Variants in CC2D2B observed in about 807,000 individuals in gnomAD.
The protein encoded by CC2D2B is coiled-coil and C2 domain containing 2B, also known as protein CC2D2B.
CC2D2B carries 128 observed loss-of-function variants against 161.2 expected under a neutral mutation model. That is an observed-to-expected ratio of 0.79 (90% CI 0.69 to 0.92). CC2D2B has a LOEUF of 0.92. CC2D2B is among the 40% of genes least tolerant of loss of function. The pLI is 0.00. For synonymous variants in CC2D2B, 391 were observed against 449.8 expected (o/e 0.87, Z 1.65); for missense variants, 1,173 against 1,375.1 (o/e 0.85, Z 2.32).
chr10:95,929,924 C>T lies in CC2D2B; in HGVS notation c.336+2592C>T, dbSNP rs182434696. Among the ~76,000 whole-genome samples, 401 of 152,168 alleles carry T rather than the reference C, an allele frequency of 2.6e-3. 1 individual carries two copies. Among genetic ancestry groups the T allele is most frequent in the African/African-American group, 9.1e-3 (378 of 41,512 alleles). Reference sequence around the variant, plus strand: ...AAATTTAAAGTATTTTTTTCTAATTCTGTGAAGAAAGTCAATGGTAGCTTG... The same window carrying T: ...AAATTTAAAGTATTTTTTTCTAATTTTGTGAAGAAAGTCAATGGTAGCTTG... On this transcript the variant is annotated intron_variant, in intron 6 of 34. Coordinates refer to ENST00000646931, the MANE Select transcript of CC2D2B (RefSeq NM_001349008.3).
intron 25 of CC2D2B, among the ~76,000 whole-genome samples, chr10:96,006,390 T>A (rs2078750499): frequency 6.6e-6 from 1 of 150,404 alleles, no homozygotes; most frequent in South Asian, 2.1e-4. Flanking sequence ...TCTTGCTTGT[T>A]ATAACATTTT....
chr10:95,917,269 A>G (rs1313458781), intron 2 of CC2D2B, among the ~76,000 whole-genome samples: 1 of 151,986 alleles, frequency 6.6e-6, no homozygotes, highest in South Asian at 2.1e-4. Context: ...GTGTTTTTAT[A>G]GGTGAAATGT....
intron 24 of CC2D2B, chr10:96,000,839 T>A (rs1417329834): frequency 6.6e-6 from 1 of 152,192 alleles, no homozygotes; most frequent in Non-Finnish European, 1.5e-5. Flanking sequence ...TATGTCCTTT[T>A]AAAAAAATCT....
chr10:95,988,512 G>A (rs2077820022), intron 20 of CC2D2B, among the ~76,000 whole-genome samples, 170 bp downstream of exon 20: 1 of 152,164 alleles, frequency 6.6e-6, no homozygotes, highest in South Asian at 2.1e-4. Flanking sequence ...CTTTTTGAGA[G>A]TTAGGTTACT....
chr10:95,947,115 T>TATA (rs1564609188), intron 9 of CC2D2B, among the ~76,000 whole-genome samples: 313 of 25,922 alleles, frequency 0.012, no homozygotes, highest in South Asian at 0.015. Flanking sequence ...ATATATATAT[T>TATA]TTTTTTTTTT....
At chr10:95,993,942 GTA>G (rs1159212300) in intron 22 of CC2D2B, among the ~76,000 whole-genome samples, 3,854 of 25,014 alleles carry the variant, frequency 0.15, 259 homozygotes, top group African/African-American at 0.27. Context: ...GTGTGTGTGT[GTA>G]TGTATGTGTA....
chr10:96,003,660 T>A (rs2078624219), intron 24 of CC2D2B, among the ~76,000 whole-genome samples: 1 of 149,886 alleles, frequency 6.7e-6, no homozygotes, highest in African/African-American at 2.5e-5. Context: ...TTCGCCATGT[T>A]AGCCAGGCTT....
At position 95,924,388 on chromosome 10, in the gene CC2D2B, A is replaced by G. The variant is rs1228391432; in HGVS notation, c.172A>G (p.Lys58Glu). Residue 58 changes from lysine (K) to glutamate (E), a missense_variant and splice_region_variant, in exon 4 of 35, where the codon AAG becomes GAG. Transcript: ENST00000646931. The part of the protein sequence containing the change: ...GKVREKLKIS[K>E]INKGEKSSTE... ...AGTGAGAGAAAAGCTAAAAATTTCT[A>G]AGGTAATGCTTTTTAAAATTTCCTG... is the stretch of plus-strand genomic sequence containing the variant. 2 of 1,478,934 alleles carry G rather than the reference A, an allele frequency of 1.4e-6. No individual in the cohort carries two copies. The highest frequency in any genetic ancestry group is 2.4e-5 in the Admixed American group (1 of 42,106). 91.6% of individuals were successfully genotyped at this position (1,478,934 alleles called of 1,614,324 possible).
intron 22 of CC2D2B, among the ~76,000 whole-genome samples, chr10:95,993,416 G>A (rs1395792328): frequency 6.6e-6 from 1 of 152,032 alleles, no homozygotes; most frequent in East Asian, 1.9e-4. Context: ...ATTCCCCTCT[G>A]TCTGTGTTCA....
chr10:96,017,171 A>G (rs1455467300), intron 30 of CC2D2B, among the ~76,000 whole-genome samples: 1 of 152,232 alleles, frequency 6.6e-6, no homozygotes. Context: ...TGCTTCTTCT[A>G]CATTTGTACC....
chr10:96,015,010 A>C (rs1590888325), intron 29 of CC2D2B, among the ~76,000 whole-genome samples: 1 of 148,936 alleles, frequency 6.7e-6, no homozygotes, highest in African/African-American at 2.5e-5. Context: ...CCTTATCCCC[A>C]CCTCCCTGGC....
At chr10:96,006,017 T>TA (rs1429880452) in intron 25 of CC2D2B, among the ~76,000 whole-genome samples, 13 of 151,468 alleles carry the variant, frequency 8.6e-5, no homozygotes, top group Non-Finnish European at 1.6e-4. Flanking sequence ...TTCAAATTTT[T>TA]AAAAAATTAT....
intron 29 of CC2D2B, 52 bp downstream of exon 29, chr10:96,013,929 A>G: frequency 1.1e-6 from 1 of 875,472 alleles, no homozygotes; most frequent in South Asian, 3.1e-5. Flanking sequence ...ATTTCTTTTA[A>G]GGAAACCTTT....
At chr10:95,961,662 G>T (rs967679027) in intron 11 of CC2D2B, 167 bp from the exon 12 acceptor site, 6 of 392,522 alleles carry the variant, frequency 1.5e-5, no homozygotes, top group Admixed American at 4.5e-5. Context: ...GAATTGCAGT[G>T]GGTAACATAA....
chr10:95,993,946 G>GTATATA (rs1424075597), intron 22 of CC2D2B, among the ~76,000 whole-genome samples: 31 of 28,972 alleles, frequency 1.1e-3, no homozygotes, highest in South Asian at 3.2e-3. Context: ...GTGTGTGTAT[G>GTATATA]TATGTGTATA....
intron 6 of CC2D2B, among the ~76,000 whole-genome samples, chr10:95,929,660 C>A (rs2098546147): frequency 6.6e-6 from 1 of 152,152 alleles, no homozygotes; most frequent in Non-Finnish European, 1.5e-5. Flanking sequence ...GGAATCTTTA[C>A]CCCATTGCTT....
At chr10:96,016,521 T>G (rs2079205645) in intron 30 of CC2D2B, among the ~76,000 whole-genome samples, 1 of 152,174 alleles carries the variant, frequency 6.6e-6, no homozygotes, top group Admixed American at 6.5e-5. Context: ...TTTTCTCCCC[T>G]GTAAAAGAGT....
chr10:95,932,855 T>C (rs1159239632), intron 6 of CC2D2B, among the ~76,000 whole-genome samples: 1 of 152,142 alleles, frequency 6.6e-6, no homozygotes, highest in Non-Finnish European at 1.5e-5. Context: ...GCGATTATGT[T>C]TCTTGGGGTT....
chr10:95,912,623 C>T (rs1284560926), intron 2 of CC2D2B, among the ~76,000 whole-genome samples: 2 of 152,114 alleles, frequency 1.3e-5, no homozygotes, highest in Non-Finnish European at 2.9e-5. Context: ...TTGCCACACG[C>T]TGCAGGGTAA....
Sources: gnomAD v4.1 joint callset for allele counts (sites outside exome capture counted in the v4.1 genomes callset) on GRCh38, gnomAD v4.1.1 for gene constraint, MANE v1.5 for transcripts, NCBI Gene and HGNC (gene_info 2026-07-23, HGNC 2026-07-21) for gene names.